Variants in KCNH1 observed in about 807,000 individuals in gnomAD.
The protein encoded by KCNH1 is voltage-gated delayed rectifier potassium channel KCNH1.
KCNH1 carries 27 observed loss-of-function variants against 69.2 expected under a neutral mutation model. That is an observed-to-expected ratio of 0.39 (90% CI 0.29 to 0.54). The LOEUF is 0.54. KCNH1 is among the 20% of genes least tolerant of loss of function. The probability of loss-of-function intolerance (pLI) is 0.68; values close to 1 mark genes in which losing one functional copy is unlikely to be tolerated. For missense variants in KCNH1, 798 were observed against 1,261.6 expected, an observed-to-expected ratio of 0.63 and a Z score of 5.57; for synonymous variants, 456 against 487.7, an observed-to-expected ratio of 0.93 and a Z score of 0.86.
At chr1:210,698,688 T>TAAAC (rs371910737) in intron 10 of KCNH1, among the ~76,000 whole-genome samples, 9 of 152,342 alleles carry the variant, frequency 5.9e-5, no homozygotes, top group African/African-American at 2.2e-4. Context: ...GGTTCTGTTC[T>TAAAC]AAACACTTCA....
intron 6 of KCNH1, among the ~76,000 whole-genome samples, chr1:210,970,268 C>A (rs1251424472): frequency 1.3e-5 from 2 of 149,198 alleles, no homozygotes; most frequent in Non-Finnish European, 3.0e-5. Context: ...CTCCCCTTGT[C>A]CCCCACCCCC....
chr1:210,946,732 G>A (rs1016946738), intron 6 of KCNH1, among the ~76,000 whole-genome samples: 5 of 152,048 alleles, frequency 3.3e-5, no homozygotes, highest in Admixed American at 1.3e-4. Context: ...TCACACACCC[G>A]CACTCCAGTC....
intron 10 of KCNH1, among the ~76,000 whole-genome samples, chr1:210,687,845 C>T (rs59540052): frequency 0.028 from 4,265 of 152,252 alleles, 120 homozygotes; most frequent in African/African-American, 0.073. Context: ...AGCAGCTCTC[C>T]GTCTGCTTGG....
Position 210,934,265 on chromosome 1 carries a change from T to C in KCNH1, c.1033-14196A>G, listed in dbSNP as rs925022726. Among the ~76,000 whole-genome samples, 4 of 152,174 alleles carry C rather than the reference T, an allele frequency of 2.6e-5. No homozygotes were observed. In the South Asian group the frequency reaches 8.3e-4, roughly 32 times the overall value. ...GAAGAGACAACCTAAAGAATGGATT[T>C]GTAAACTCTCCATCCAACAAGGATG... On this transcript the variant is annotated intron_variant, in intron 6 of 10. Coordinates refer to ENST00000271751, the MANE Select transcript of KCNH1 (RefSeq NM_172362.3).
At chr1:210,724,600 T>C (rs913285046) in intron 10 of KCNH1, among the ~76,000 whole-genome samples, 2 of 152,214 alleles carry the variant, frequency 1.3e-5, no homozygotes, top group African/African-American at 4.8e-5. Context: ...TAAATGTCTT[T>C]TCCCTACAGC....
At chr1:210,811,472 A>G (rs1684701457) in intron 7 of KCNH1, among the ~76,000 whole-genome samples, 1 of 152,076 alleles carries the variant, frequency 6.6e-6, no homozygotes, top group Non-Finnish European at 1.5e-5. Flanking sequence ...CAAGTCATTC[A>G]TTGCTTTCCA....
intron 6 of KCNH1, among the ~76,000 whole-genome samples, chr1:210,965,865 A>G (rs1187090031): frequency 6.6e-6 from 1 of 152,214 alleles, no homozygotes. Context: ...CTTTCTTCAC[A>G]GAATTAGAAA....
rs572899272 is a variant in KCNH1, at chr1:210,748,319, C to A, written c.2112+27029G>T. On this transcript the variant is annotated intron_variant, in intron 10 of 10. Transcript: ENST00000271751. The stretch of plus-strand genomic sequence containing the variant: ...AAACAAAACACACACATCTCACACT[C>A]AATCTGCCTCATAGACAGTCACTTT... 7.5e-4 allele frequency among the ~76,000 whole-genome samples: 114 copies of A among 152,330 alleles called. 1 individual carries two copies. The highest frequency in any genetic ancestry group is 6.8e-3 in the Middle Eastern group (2 of 294).
At chr1:211,115,967 C>T (rs1338644881) in intron 1 of KCNH1, among the ~76,000 whole-genome samples, 6 of 151,490 alleles carry the variant, frequency 4.0e-5, no homozygotes, top group African/African-American at 1.5e-4. Flanking sequence ...AGCTTGTCTC[C>T]AATAAAAACT....
intron 6 of KCNH1, among the ~76,000 whole-genome samples, chr1:210,949,246 A>G (rs1435476023): frequency 6.6e-6 from 1 of 152,188 alleles, no homozygotes; most frequent in African/African-American, 2.4e-5. Context: ...TGTCCTCTGC[A>G]AACACATGTC....
At chr1:210,979,742 A>G (rs1302375864) in intron 6 of KCNH1, among the ~76,000 whole-genome samples, 1 of 152,160 alleles carries the variant, frequency 6.6e-6, no homozygotes, top group Non-Finnish European at 1.5e-5. Context: ...TACCCAAACC[A>G]GTTATAGTGG....
chr1:210,684,204 C>G, intron 10 of KCNH1, 66 bp from the exon 11 acceptor site: 1 of 1,451,588 alleles, frequency 6.9e-7, no homozygotes, highest in East Asian at 2.4e-5. Flanking sequence ...CAGCCCAGCT[C>G]AGCCCTTCTG....
chr1:210,964,488 A>T (rs1321355162), intron 6 of KCNH1, among the ~76,000 whole-genome samples: 1 of 152,220 alleles, frequency 6.6e-6, no homozygotes, highest in Non-Finnish European at 1.5e-5. Context: ...ATGCAAATAA[A>T]CTAGAAAATC....
intron 7 of KCNH1, among the ~76,000 whole-genome samples, chr1:210,856,273 C>T (rs1558498850): frequency 6.6e-6 from 1 of 152,146 alleles, no homozygotes. Flanking sequence ...AACCAGAGCC[C>T]GCCTGGAATA....
intron 10 of KCNH1, among the ~76,000 whole-genome samples, chr1:210,687,721 G>C (rs1364743474): frequency 6.6e-6 from 1 of 152,236 alleles, no homozygotes; most frequent in Non-Finnish European, 1.5e-5. Context: ...TAGTCACGGA[G>C]TCTGTCTCAG....
intron 10 of KCNH1, among the ~76,000 whole-genome samples, chr1:210,686,353 C>A (rs1331914619): frequency 1.3e-5 from 2 of 152,218 alleles, no homozygotes; most frequent in Non-Finnish European, 2.9e-5. Context: ...AGCGCAAATG[C>A]ACCTCTTCCA....
At chr1:210,984,698 G>A (rs1156962127) in intron 6 of KCNH1, among the ~76,000 whole-genome samples, 2 of 152,090 alleles carry the variant, frequency 1.3e-5, no homozygotes, top group Admixed American at 6.6e-5. Context: ...GTATTTTATT[G>A]AGGATTTTTG....
intron 6 of KCNH1, among the ~76,000 whole-genome samples, chr1:210,931,995 T>G (rs1213897781): frequency 6.6e-6 from 1 of 152,014 alleles, no homozygotes; most frequent in African/African-American, 2.4e-5. Flanking sequence ...GTTAATAAAT[T>G]TTTACATTAT....
At chr1:210,989,251 G>A (rs1688898385) in intron 6 of KCNH1, among the ~76,000 whole-genome samples, 1 of 152,096 alleles carries the variant, frequency 6.6e-6, no homozygotes, top group African/African-American at 2.4e-5. Flanking sequence ...CTTGTGCTGT[G>A]GATACATTTT....
Sources: gnomAD v4.1 joint callset for allele counts (sites outside exome capture counted in the v4.1 genomes callset) on GRCh38, gnomAD v4.1.1 for gene constraint, MANE v1.5 for transcripts, NCBI Gene and HGNC (gene_info 2026-07-23, HGNC 2026-07-21) for gene names.